The following SEC31A variants were observed in gnomAD, a reference collection of about 807,000 sequenced individuals.
SEC31A encodes the protein protein transport protein Sec31A.
Under a neutral mutation model 151.0 loss-of-function variants are expected in SEC31A, and 70 were observed. The observed-to-expected ratio is 0.46, with a 90% confidence interval of 0.38 to 0.57. The LOEUF is 0.57. SEC31A is among the 20% of genes least tolerant of loss of function. SEC31A has a pLI of 0.00. For synonymous variants in SEC31A, 475 were observed against 505.9 expected (o/e 0.94, Z 0.82); for missense variants, 1,330 against 1,471.2 (o/e 0.90, Z 1.57).
chr4:82,842,418 T>C lies in SEC31A; in HGVS notation c.2690A>G (p.Gln897Arg), dbSNP rs762552765. 30 of 1,613,862 alleles carry C rather than the reference T, an allele frequency of 1.9e-5. No homozygotes were observed. Among genetic ancestry groups the C allele is most frequent in the Admixed American group, 3.3e-5 (2 of 59,976 alleles). The change falls in exon 22 of 27, where the codon CAG becomes CGG. Residue 897 changes from glutamine (Q) to arginine (R), a missense_variant. Transcript: ENST00000395310. Reference protein sequence around the residue: ...TGGSAMYRPQQPVAPPTSNAY... With the variant: ...TGGSAMYRPQRPVAPPTSNAY... ...GTTTGAAGTAGGAGGAGCAACAGGC[T>C]GCTGAGGTCGATACATTGCTGACCC...
At chr4:82,882,042 C>A in intron 1 of SEC31A, 102 bp from the exon 2 acceptor site, 1 of 838,746 alleles carries the variant, frequency 1.2e-6, no homozygotes, top group South Asian at 1.4e-5. Flanking sequence ...ACCACTACAA[C>A]ATTAGTAATG....
At chr4:82,894,953 A>G (rs1222769013), upstream of SEC31A, 9 of 152,216 alleles carry the variant, frequency 5.9e-5, no homozygotes, top group East Asian at 1.2e-3. Context: ...GCACTTTTTC[A>G]AGACCCCTCA....
intron 12 of SEC31A, 50 bp from the exon 13 acceptor site, chr4:82,862,622 C>T (rs1160331060): frequency 1.3e-6 from 2 of 1,523,652 alleles, no homozygotes; most frequent in Non-Finnish European, 1.8e-6. Flanking sequence ...TATTTCAGAG[C>T]ATCCAGCAAA....
chr4:82,881,470 A>T (rs1739304878), intron 2 of SEC31A, among the ~76,000 whole-genome samples: 1 of 152,208 alleles, frequency 6.6e-6, no homozygotes, highest in African/African-American at 2.4e-5. Flanking sequence ...ATCTCAAAAA[A>T]AAAAAAGTCC....
At chr4:82,857,164 A>G (rs1578254081) in intron 15 of SEC31A, 34 bp from the exon 16 acceptor site, 1 of 1,589,092 alleles carries the variant, frequency 6.3e-7, no homozygotes, top group Admixed American at 1.9e-5. Flanking sequence ...CAAGTTAAAT[A>G]GAGTTTTTGT....
Position 82,874,705 on chromosome 4 carries a change from T to A in SEC31A, c.545A>T (p.His182Leu). Residue 182 changes from histidine (H) to leucine (L), a missense_variant, in exon 6 of 27, where the codon CAT becomes CTT. Transcript: ENST00000395310. ...ACTGGGACTGGCTGATGCTAAAATA[T>A]GCTGAACTTGTCTGTTCCATGCAAT... The part of the protein sequence containing the change: ...SCIAWNRQVQ[H>L]ILASASPSGR... 3.1e-6 allele frequency: 5 copies of A among 1,613,282 alleles called. No individual in the cohort carries two copies. The highest frequency in any genetic ancestry group is 4.2e-6 in the Non-Finnish European group (5 of 1,179,876).
intron 1 of SEC31A, 110 bp downstream of exon 1, chr4:82,890,978 A>G: frequency 1.3e-6 from 2 of 1,484,480 alleles, no homozygotes; most frequent in South Asian, 1.3e-5. Context: ...ACCGGGCCTC[A>G]GGCTGGTGCG....
chr4:82,871,203 A>G (rs912215540), intron 7 of SEC31A, among the ~76,000 whole-genome samples: 4 of 152,218 alleles, frequency 2.6e-5, no homozygotes, highest in African/African-American at 9.7e-5. Flanking sequence ...TTTTGTGGAA[A>G]TCAACTTCTT....
At chr4:82,887,906 C>T (rs1741116853) in intron 1 of SEC31A, among the ~76,000 whole-genome samples, 1 of 151,566 alleles carries the variant, frequency 6.6e-6, no homozygotes, top group South Asian at 2.1e-4. Context: ...ATTAGCCGGG[C>T]GCAGTGGCGG....
intron 22 of SEC31A, among the ~76,000 whole-genome samples, chr4:82,831,548 G>A (rs149297059): frequency 6.6e-6 from 1 of 152,176 alleles, no homozygotes; most frequent in Non-Finnish European, 1.5e-5. Flanking sequence ...AAGTAGCAGG[G>A]AACTGGAGAA....
At chr4:82,820,517 A>T (rs1723096000) in intron 26 of SEC31A, among the ~76,000 whole-genome samples, 1 of 152,188 alleles carries the variant, frequency 6.6e-6, no homozygotes, top group Admixed American at 6.5e-5. Flanking sequence ...GGTGGGGACA[A>T]GAGAACAAAC....
intron 14 of SEC31A, 41 bp from the exon 15 acceptor site, chr4:82,857,805 CTG>C (rs763134183): frequency 7.7e-7 from 1 of 1,292,986 alleles, no homozygotes; most frequent in Admixed American, 1.8e-5. Context: ...CAGAATAAAA[CTG>C]TGGAATGATT....
intron 22 of SEC31A, among the ~76,000 whole-genome samples, chr4:82,831,734 C>T (rs1167423814): frequency 1.3e-5 from 2 of 152,094 alleles, no homozygotes; most frequent in South Asian, 2.1e-4. Context: ...TGAGAATAGG[C>T]CCAGCAAATA....
intron 17 of SEC31A, among the ~76,000 whole-genome samples, chr4:82,854,699 T>C (rs1423409991): frequency 1.5e-5 from 2 of 133,272 alleles, no homozygotes; most frequent in African/African-American, 5.4e-5. Context: ...GAAACCAAAA[T>C]CACTAGTAGA....
chr4:82,875,754 G>A lies in SEC31A; in HGVS notation c.471C>T (p.Thr157=). 2 of 1,604,864 alleles carry A rather than the reference G, an allele frequency of 1.2e-6. No individual in the cohort carries two copies. Among genetic ancestry groups the A allele is most frequent in the African/African-American group, 2.7e-5 (2 of 74,782 alleles). The change falls in exon 5 of 27, where the codon ACC becomes ACT. Residue 157 remains threonine, a synonymous_variant. Transcript: ENST00000395310. ...GTGTTTTGGCTCCTGGTGTCATTGG[G>A]GTTGCAAAATTATTTAGATCCCATA... ...IYIWDLNNFA[T]PMTPGAKTQP...
chr4:82,887,259 T>A (rs1301807687), intron 1 of SEC31A, among the ~76,000 whole-genome samples: 2 of 152,216 alleles, frequency 1.3e-5, no homozygotes, highest in Admixed American at 1.3e-4. Flanking sequence ...TAATGCTTGG[T>A]TAATGTGTAA....
rs1413898792 is a variant in SEC31A at position 82,867,214 on chromosome 4, TGATAC to T, written c.980_984del (p.Arg327GlnfsTer9). 6.2e-7 allele frequency: 1 copy of T among 1,613,974 alleles called. No homozygotes were observed. On this transcript the variant is annotated frameshift_variant, in exon 9 of 27. Transcript: ENST00000395310. LOFTEE classifies it high-confidence loss of function. ...CTACCTCCCATGATAGAATAAACAC[TGATAC>T]GCCCATCAAACGAAGCAGCTGATAA... is the stretch of plus-strand genomic sequence containing the variant.
chr4:82,858,797 G>T (rs1264780399), intron 14 of SEC31A, among the ~76,000 whole-genome samples: 1 of 151,460 alleles, frequency 6.6e-6, no homozygotes, highest in Non-Finnish European at 1.5e-5. Flanking sequence ...CTGCCTCCTG[G>T]GTTCACGCCA....
At chr4:82,891,060 G>T in intron 1 of SEC31A, 28 bp downstream of exon 1, 2 of 1,535,856 alleles carry the variant, frequency 1.3e-6, no homozygotes, top group Non-Finnish European at 1.7e-6. Context: ...GACCGGCGAA[G>T]AGGACAAAAA....
Sources: gnomAD v4.1 joint callset for allele counts (sites outside exome capture counted in the v4.1 genomes callset) on GRCh38, gnomAD v4.1.1 for gene constraint, MANE v1.5 for transcripts, NCBI Gene and HGNC (gene_info 2026-07-23, HGNC 2026-07-21) for gene names.